The following RAP1GAP2 variants were observed in gnomAD, a reference collection of about 807,000 sequenced individuals.
RAP1GAP2 encodes rap1 GTPase-activating protein 2.
A neutral mutation model predicts 95.0 loss-of-function variants in RAP1GAP2; 27 were observed. The ratio of observed to expected loss-of-function variants is 0.28; its 90% confidence interval spans 0.21 to 0.39. The LOEUF is 0.39. RAP1GAP2 is among the 10% of genes least tolerant of loss of function. RAP1GAP2 has a pLI of 1.00. For missense variants in RAP1GAP2, 771 were observed against 970.0 expected, an observed-to-expected ratio of 0.79 and a Z score of 2.72; for synonymous variants, 373 against 380.9, an observed-to-expected ratio of 0.98 and a Z score of 0.24.
Position 3,025,992 on chromosome 17 carries a change from A to C in RAP1GAP2, c.1752-16A>C, listed in dbSNP as rs4072679. On this transcript the variant is annotated splice_polypyrimidine_tract_variant and intron_variant, in intron 19 of 24. Coordinates refer to ENST00000254695, the MANE Select transcript of RAP1GAP2 (RefSeq NM_015085.5). ...GGCTGTCTCCGCGGCCTCACTCCTC[A>C]TTTCCATTCCCTCAGTGACAGCACA... 1,084,732 of 1,590,684 alleles carry C rather than the reference A, an allele frequency of 0.68. 370,706 individuals are homozygous for C. The highest frequency in any genetic ancestry group is 0.75 in the Admixed American group (44,796 of 59,742).
chr17:2,856,642 G>A lies in RAP1GAP2; in HGVS notation c.81-48642G>A, dbSNP rs750276877. ...GGCAGAACTAGTCTGTGGGTGGTGG[G>A]GGCAGGTGCAGTGAGGCCCAGGGAA... is the stretch of plus-strand genomic sequence containing the variant. On this transcript the variant is annotated intron_variant, in intron 2 of 24. Coordinates refer to ENST00000254695, the MANE Select transcript of RAP1GAP2 (RefSeq NM_015085.5). Among the ~76,000 whole-genome samples the A allele has an allele frequency of 1.1e-3, 160 of 152,310 alleles. 2 individuals carry two copies. Among genetic ancestry groups the A allele is most frequent in the Non-Finnish European group, 1.7e-3 (115 of 68,028 alleles).
intron 17 of RAP1GAP2, among the ~76,000 whole-genome samples, chr17:3,011,899 G>A (rs920702314): frequency 6.6e-6 from 1 of 151,988 alleles, no homozygotes; most frequent in Non-Finnish European, 1.5e-5. Flanking sequence ...CAGGCGTGAG[G>A]CACTGCGCCC....
At chr17:2,935,025 A>G (rs1346862284) in intron 3 of RAP1GAP2, among the ~76,000 whole-genome samples, 1 of 152,164 alleles carries the variant, frequency 6.6e-6, no homozygotes, top group East Asian at 1.9e-4. Context: ...ATCTGCATCA[A>G]CCAGCTGATT....
chr17:2,872,429 T>C (rs1462751881), intron 2 of RAP1GAP2, among the ~76,000 whole-genome samples: 5 of 151,642 alleles, frequency 3.3e-5, no homozygotes, highest in Non-Finnish European at 7.4e-5. Flanking sequence ...TATAAGCTGC[T>C]TTGAAACAAA....
At position 2,963,205 on chromosome 17, in the gene RAP1GAP2, G is replaced by T; in HGVS notation, c.247-225G>T. On this transcript the variant is annotated intron_variant, in intron 5 of 24. Coordinates refer to ENST00000254695, the MANE Select transcript of RAP1GAP2 (RefSeq NM_015085.5). This position sits in a 1 kb window ranked among gnomAD's most constrained non-coding sequence, Gnocchi z 4.8. ...AGGGGTGAGAAGTTCAGCACCTTCG[G>T]ACACTGCATCATCAGCTGGCAGGGT... is the stretch of plus-strand genomic sequence containing the variant. 1 of 617,988 alleles carries T rather than the reference G, an allele frequency of 1.6e-6. No individual in the cohort carries two copies. 38.3% of individuals were successfully genotyped at this position (617,988 alleles called of 1,614,324 possible).
intron 1 of RAP1GAP2, among the ~76,000 whole-genome samples, chr17:2,799,674 A>G (rs932108768): frequency 6.6e-6 from 1 of 152,200 alleles, no homozygotes; most frequent in Admixed American, 6.5e-5. Context: ...TTGCAAAGGC[A>G]GCATTGGTGC....
chr17:2,957,703 G>A, intron 3 of RAP1GAP2, 56 bp from the exon 4 acceptor site: 1 of 1,563,798 alleles, frequency 6.4e-7, no homozygotes, highest in Non-Finnish European at 8.7e-7. Flanking sequence ...AGAGGCTTTT[G>A]CTGTGGACCT....
At chr17:2,828,304 G>C (rs780613688) in intron 2 of RAP1GAP2, among the ~76,000 whole-genome samples, 4 of 151,864 alleles carry the variant, frequency 2.6e-5, no homozygotes, top group Non-Finnish European at 4.4e-5. Flanking sequence ...TCGCGCCATT[G>C]CACTCCAACC....
chr17:2,938,959 C>T (rs1290276050), intron 3 of RAP1GAP2, among the ~76,000 whole-genome samples: 1 of 152,172 alleles, frequency 6.6e-6, no homozygotes, highest in Non-Finnish European at 1.5e-5. Flanking sequence ...GCATTCCAGC[C>T]TGGGCAACAA....
chr17:2,863,015 A>G (rs2072468643), intron 2 of RAP1GAP2, among the ~76,000 whole-genome samples: 1 of 151,308 alleles, frequency 6.6e-6, no homozygotes, highest in Non-Finnish European at 1.5e-5. Context: ...AAAAAAAAAA[A>G]AAAAAAGTAA....
chr17:2,828,910 C>G (rs936196410), intron 2 of RAP1GAP2, among the ~76,000 whole-genome samples: 2 of 151,516 alleles, frequency 1.3e-5, no homozygotes, highest in African/African-American at 2.4e-5. Flanking sequence ...TCTTTTTGCT[C>G]CCTTGGTCTC....
chr17:3,025,632 G>A (rs1034494721), intron 19 of RAP1GAP2, among the ~76,000 whole-genome samples: 62 of 152,138 alleles, frequency 4.1e-4, no homozygotes, highest in Non-Finnish European at 6.8e-4. Flanking sequence ...GGGGGCGGAT[G>A]TCATAGACTC....
At chr17:2,975,044 C>G (rs2151519682) in intron 8 of RAP1GAP2, among the ~76,000 whole-genome samples, 1 of 152,316 alleles carries the variant, frequency 6.6e-6, no homozygotes, top group South Asian at 2.1e-4. Context: ...GCCTGGCCAA[C>G]ATGGCGAAAC....
chr17:2,995,788 T>TCCGTTTATCAGGGG (rs1342279439), intron 13 of RAP1GAP2, among the ~76,000 whole-genome samples: 2 of 152,024 alleles, frequency 1.3e-5, no homozygotes, highest in Admixed American at 1.3e-4. Flanking sequence ...TTGAGGTTTC[T>TCCGTTTATCAGGGG]CCGTTTATCA....
intron 2 of RAP1GAP2, among the ~76,000 whole-genome samples, chr17:2,832,327 G>C (rs1273546004): frequency 6.6e-6 from 1 of 151,832 alleles, no homozygotes; most frequent in South Asian, 2.1e-4. Context: ...GGGAGGCCAA[G>C]GTGGGTGGAT....
chr17:2,791,865 T>TA (rs1262816367), upstream of RAP1GAP2, among the ~76,000 whole-genome samples: 2 of 149,216 alleles, frequency 1.3e-5, no homozygotes, highest in African/African-American at 4.9e-5. Context: ...CTCTTTTTTT[T>TA]TTTTTTTTTT....
chr17:2,958,244 A>G (rs1167705542), intron 4 of RAP1GAP2, among the ~76,000 whole-genome samples: 1 of 152,156 alleles, frequency 6.6e-6, no homozygotes, highest in African/African-American at 2.4e-5. Context: ...TCCTGTGCTA[A>G]GCCTCCATAA....
At chr17:2,894,986 T>C (rs2073840631) in intron 2 of RAP1GAP2, among the ~76,000 whole-genome samples, 1 of 152,016 alleles carries the variant, frequency 6.6e-6, no homozygotes, top group East Asian at 1.9e-4. Context: ...TCCTTTGCCC[T>C]CGAGAGAGGG....
At chr17:3,011,303 A>C (rs1242140761) in intron 17 of RAP1GAP2, among the ~76,000 whole-genome samples, 1 of 152,090 alleles carries the variant, frequency 6.6e-6, no homozygotes, top group Non-Finnish European at 1.5e-5. Context: ...CATTGCCCTC[A>C]CATCTCCCAA....
Sources: gnomAD v4.1 joint callset for allele counts (sites outside exome capture counted in the v4.1 genomes callset) on GRCh38, gnomAD v4.1.1 for gene constraint, Gnocchi (gnomAD v3.1) non-coding constraint, MANE v1.5 for transcripts, NCBI Gene and HGNC (gene_info 2026-07-23, HGNC 2026-07-21) for gene names.